Variants in IDE observed in about 807,000 individuals in gnomAD.
IDE encodes insulin degrading enzyme, also known as insulin-degrading enzyme.
IDE carries 58 observed loss-of-function variants against 133.2 expected under a neutral mutation model. That is an observed-to-expected ratio of 0.44 (90% CI 0.35 to 0.54). IDE has a LOEUF of 0.54. Among genes scored for constraint, IDE ranks in the 20% least tolerant of loss-of-function variants. IDE has a pLI of 0.00. For synonymous variants in IDE, 396 were observed against 421.3 expected, an observed-to-expected ratio of 0.94 and a Z score of 0.73; for missense variants, 981 against 1,234.0, an observed-to-expected ratio of 0.79 and a Z score of 3.07.
intron 1 of IDE, among the ~76,000 whole-genome samples, chr10:92,570,015 C>G (rs1843714275): frequency 6.6e-6 from 1 of 151,734 alleles, no homozygotes; most frequent in Non-Finnish European, 1.5e-5. Flanking sequence ...GAGGCTGAGG[C>G]AGAAGAATCA....
Position 92,532,406 on chromosome 10 carries a change from A to G in IDE, c.492-489T>C, listed in dbSNP as rs112602127. ...AAGTGACCTACTTTTAACAGGCTCA[A>G]TTTGAATATTTCTTTCTTCTTATGT... On this transcript the variant is annotated intron_variant, in intron 3 of 24. Coordinates refer to ENST00000265986, the MANE Select transcript of IDE (RefSeq NM_004969.4). Among the ~76,000 whole-genome samples, 260 of 152,268 alleles carry G rather than the reference A, an allele frequency of 1.7e-3. 1 individual carries two copies. Among genetic ancestry groups the G allele is most frequent in the Non-Finnish European group, 2.9e-3 (196 of 68,008 alleles).
chr10:92,466,142 G>A (rs1407854678), intron 19 of IDE, among the ~76,000 whole-genome samples: 1 of 150,450 alleles, frequency 6.6e-6, no homozygotes, highest in Non-Finnish European at 1.5e-5. Flanking sequence ...GAGGCGGGAG[G>A]ATCACTTGAC....
chr10:92,462,372 G>A (rs1293124728), intron 21 of IDE, among the ~76,000 whole-genome samples: 2 of 146,174 alleles, frequency 1.4e-5, no homozygotes, highest in Non-Finnish European at 3.0e-5. Context: ...TGTAATCCCA[G>A]CATTTTGGGA....
At chr10:92,525,701 G>T (rs1849584952) in intron 4 of IDE, among the ~76,000 whole-genome samples, 1 of 140,006 alleles carries the variant, frequency 7.1e-6, no homozygotes, top group Admixed American at 7.3e-5. Flanking sequence ...GGATACAAAA[G>T]TCAGCATATC....
intron 4 of IDE, among the ~76,000 whole-genome samples, chr10:92,527,829 A>G (rs1849707049): frequency 6.6e-6 from 1 of 152,172 alleles, no homozygotes; most frequent in Non-Finnish European, 1.5e-5. Flanking sequence ...ATGCTGACTA[A>G]CATGGTGAAA....
intron 3 of IDE, among the ~76,000 whole-genome samples, chr10:92,533,740 A>G (rs1850070318): frequency 1.3e-5 from 2 of 149,254 alleles, no homozygotes; most frequent in South Asian, 4.2e-4. Context: ...AAAGCTGACC[A>G]AGGCTGGGCG....
intron 12 of IDE, among the ~76,000 whole-genome samples, chr10:92,490,217 C>G (rs1847262932): frequency 6.6e-6 from 1 of 152,220 alleles, no homozygotes; most frequent in African/African-American, 2.4e-5. Context: ...CTTTCTGGTG[C>G]CTGTGCCCAT....
intron 5 of IDE, among the ~76,000 whole-genome samples, chr10:92,513,429 G>T (rs1392915989): frequency 6.6e-6 from 1 of 152,216 alleles, no homozygotes; most frequent in Admixed American, 6.5e-5. Flanking sequence ...CTGACCACAA[G>T]TGATCCACCT....
chr10:92,508,000 G>A (rs964807848), intron 8 of IDE, 113 bp downstream of exon 8: 9 of 772,120 alleles, frequency 1.2e-5, no homozygotes, highest in African/African-American at 3.5e-5. Context: ...TAAGTTGTAT[G>A]AATTAAAGTG....
chr10:92,483,187 A>G lies in IDE; in HGVS notation c.1739+68T>C, dbSNP rs1295712780. The G allele has an allele frequency of 5.2e-6, 4 of 769,808 alleles. No individual in the cohort carries two copies. In the South Asian group the frequency reaches 6.3e-5, roughly 12 times the overall value. The allele number at this position is 769,808 out of a possible 1,614,324, so 47.7% of individuals were successfully genotyped here. The stretch of plus-strand genomic sequence containing the variant: ...TTCTAGACATGGATGTTTAAGAAGA[A>G]CAGACAACTCCTGGAAACGTAATTG... On this transcript the variant is annotated intron_variant, in intron 14 of 24. Coordinates refer to ENST00000265986, the MANE Select transcript of IDE (RefSeq NM_004969.4).
At chr10:92,491,306 A>G (rs1314206157) in intron 11 of IDE, among the ~76,000 whole-genome samples, 2 of 152,010 alleles carry the variant, frequency 1.3e-5, no homozygotes, top group African/African-American at 4.8e-5. Context: ...GTGCAGAATT[A>G]ACAGGAATGA....
chr10:92,467,475 C>T (rs1319033589), intron 19 of IDE, among the ~76,000 whole-genome samples: 1 of 152,132 alleles, frequency 6.6e-6, no homozygotes, highest in Non-Finnish European at 1.5e-5. Context: ...GCATGATTTC[C>T]TACCACTTAG....
rs544411765 is a variant in IDE at position 92,553,083 on chromosome 10, G to A, written c.99-15533C>T. 8.9e-4 allele frequency among the ~76,000 whole-genome samples: 135 copies of A among 151,838 alleles called. 1 individual carries two copies. The highest frequency in any genetic ancestry group is 3.0e-3 in the African/African-American group (126 of 41,390). On this transcript the variant is annotated intron_variant, in intron 1 of 24. Coordinates refer to ENST00000265986, the MANE Select transcript of IDE (RefSeq NM_004969.4). ...GAACGATAGTACTGAATTTTCAGCC[G>A]TAAGTTAAGATAAATGTATGTTCAT... is the stretch of plus-strand genomic sequence containing the variant.
At chr10:92,485,131 T>TTC (rs1310883804) in intron 13 of IDE, among the ~76,000 whole-genome samples, 1 of 146,342 alleles carries the variant, frequency 6.8e-6, no homozygotes. Context: ...CTTTCTTTTT[T>TTC]TTTTTTTTTT....
At chr10:92,474,095 G>A (rs1158231250) in intron 17 of IDE, among the ~76,000 whole-genome samples, 3 of 152,194 alleles carry the variant, frequency 2.0e-5, no homozygotes, top group Non-Finnish European at 1.5e-5. Flanking sequence ...ACAGAGTCTT[G>A]CTCTGTCATC....
chr10:92,518,003 T>C (rs1321472007), intron 4 of IDE, among the ~76,000 whole-genome samples: 1 of 152,094 alleles, frequency 6.6e-6, no homozygotes, highest in East Asian at 1.9e-4. Context: ...AGACATTCTC[T>C]ATTCTCTCAC....
chr10:92,541,366 C>T (rs867747815), intron 1 of IDE: 1 of 469,856 alleles, frequency 2.1e-6, no homozygotes, highest in Middle Eastern at 3.2e-4. Context: ...CAACAGCTTG[C>T]CTGTCTCTGT....
At chr10:92,551,941 G>A (rs1842803718) in intron 1 of IDE, among the ~76,000 whole-genome samples, 1 of 152,156 alleles carries the variant, frequency 6.6e-6, no homozygotes, top group Non-Finnish European at 1.5e-5. Flanking sequence ...TTTGAGACCA[G>A]TCTGGGCAAC....
chr10:92,571,115 G>A (rs1046836080), intron 1 of IDE, among the ~76,000 whole-genome samples: 14 of 151,802 alleles, frequency 9.2e-5, no homozygotes, highest in South Asian at 4.2e-4. Context: ...GGGTTCAAGC[G>A]ATTCTCCTGC....
Sources: gnomAD v4.1 joint callset for allele counts (sites outside exome capture counted in the v4.1 genomes callset) on GRCh38, gnomAD v4.1.1 for gene constraint, MANE v1.5 for transcripts, NCBI Gene and HGNC (gene_info 2026-07-23, HGNC 2026-07-21) for gene names.